Variants in ETF1 observed in about 807,000 individuals in gnomAD.
ETF1 encodes eukaryotic peptide chain release factor subunit 1.
Under a neutral mutation model 55.1 loss-of-function variants are expected in ETF1, and 4 were observed. That is an observed-to-expected ratio of 0.07 (90% CI 0.04 to 0.17). The LOEUF is 0.17. ETF1 is among the 10% of genes least tolerant of loss of function. The probability of loss-of-function intolerance (pLI) is 1.00; values close to 1 mark genes in which losing one functional copy is unlikely to be tolerated. For missense variants in ETF1, 142 were observed against 523.6 expected (o/e 0.27, Z 7.11); for synonymous variants, 157 against 182.3 (o/e 0.86, Z 1.12).
At chr5:138,519,903 C>A (rs972969017) in intron 2 of ETF1, among the ~76,000 whole-genome samples, 4 of 150,316 alleles carry the variant, frequency 2.7e-5, no homozygotes, top group Non-Finnish European at 4.4e-5. Context: ...TGTCTCATTG[C>A]GGTTTTGATT....
In ETF1 at chr5:138,510,830, A is replaced by C. The variant is rs115078547; in HGVS notation, c.1019-201T>G. On this transcript the variant is annotated intron_variant, in intron 8 of 10. Coordinates refer to ENST00000360541, the MANE Select transcript of ETF1 (RefSeq NM_004730.4). ...GGAACATCAGAGATGTTCAAGATAT[A>C]GTCCTGGTCCTCAGCAGATGTAACA... 1,861 of 712,622 alleles carry C rather than the reference A, an allele frequency of 2.6e-3. 37 individuals carry two copies. The African/African-American group carries it at 0.033, about 13-fold the overall frequency. The allele number at this position is 712,622 out of a possible 1,614,324, so 44.1% of individuals were successfully genotyped here.
intron 6 of ETF1, among the ~76,000 whole-genome samples, chr5:138,512,256 A>AT (rs1554137507): frequency 1.6e-4 from 3 of 18,878 alleles, no homozygotes; most frequent in African/African-American, 6.9e-4. Context: ...ATATATATAT[A>AT]TATTTTTTTT....
chr5:138,510,154 T>G (rs1764710416), intron 9 of ETF1, among the ~76,000 whole-genome samples: 1 of 151,140 alleles, frequency 6.6e-6, no homozygotes, highest in African/African-American at 2.4e-5. Flanking sequence ...CTCAGGAGTT[T>G]GAGACCAGCC....
Position 138,508,652 on chromosome 5 carries a change from G to A in ETF1, c.1231+17C>T. 6.2e-7 allele frequency: 1 copy of A among 1,611,970 alleles called. No individual in the cohort carries two copies. Among genetic ancestry groups the A allele is most frequent in the Non-Finnish European group, 8.5e-7 (1 of 1,179,726 alleles). On this transcript the variant is annotated intron_variant, in intron 10 of 10. Coordinates refer to ENST00000360541, the MANE Select transcript of ETF1 (RefSeq NM_004730.4). Reference sequence around the variant, plus strand: ...GAGACCCTGGTTTTAAGTTTGGTTTGCTGATTTGCTACTCACCTCCAATTC... The same window carrying A: ...GAGACCCTGGTTTTAAGTTTGGTTTACTGATTTGCTACTCACCTCCAATTC...
Position 138,517,713 on chromosome 5 carries a change from C to T in ETF1, c.263-13G>A. 6.9e-7 allele frequency: 1 copy of T among 1,439,168 alleles called. No individual in the cohort carries two copies. The highest frequency in any genetic ancestry group is 9.3e-7 in the Non-Finnish European group (1 of 1,077,588). 89.1% of individuals were successfully genotyped at this position (1,439,168 alleles called of 1,614,324 possible). A position where few individuals can be genotyped will look rare whatever the true frequency, so the allele number is the denominator to read the frequency against. On this transcript the variant is annotated splice_polypyrimidine_tract_variant and intron_variant, in intron 3 of 10. Coordinates refer to ENST00000360541, the MANE Select transcript of ETF1 (RefSeq NM_004730.4). Reference sequence around the variant, plus strand: ...CCATTTGGAGGTACTGCAAAGAACACAAACAATTTTTCTACTTTACCCCAT... The same window carrying T: ...CCATTTGGAGGTACTGCAAAGAACATAAACAATTTTTCTACTTTACCCCAT...
chr5:138,539,480 A>C (rs1053160697), intron 2 of ETF1, among the ~76,000 whole-genome samples: 3 of 152,258 alleles, frequency 2.0e-5, no homozygotes, highest in Non-Finnish European at 2.9e-5. Flanking sequence ...TACCAGGAGC[A>C]ATCATGAACA....
Position 138,543,077 on chromosome 5 carries a change from T to C in ETF1, c.-19+20A>G. On this transcript the variant is annotated intron_variant, in intron 1 of 10. Coordinates refer to ENST00000360541, the MANE Select transcript of ETF1 (RefSeq NM_004730.4). ...CAGCTCGCCACAAAGGTCACCGGCC[T>C]TTCCCTCCCTGTGCCTTACCTAAGG... 3 of 718,920 alleles carry C rather than the reference T, an allele frequency of 4.2e-6. No homozygotes were observed. The highest frequency in any genetic ancestry group is 3.7e-5 in the South Asian group (2 of 54,468). 44.5% of individuals were successfully genotyped at this position (718,920 alleles called of 1,614,324 possible).
At chr5:138,540,654 T>C (rs930943272) in intron 2 of ETF1, among the ~76,000 whole-genome samples, 1 of 152,150 alleles carries the variant, frequency 6.6e-6, no homozygotes, top group Admixed American at 6.5e-5. Context: ...TAGGACATGA[T>C]TATTAACCAC....
intron 6 of ETF1, among the ~76,000 whole-genome samples, chr5:138,512,122 C>T (rs951595203): frequency 7.1e-4 from 96 of 135,064 alleles, no homozygotes; most frequent in African/African-American, 2.5e-3. Context: ...ATCACTTAAG[C>T]CTGGGAGATC....
rs3849046 is a variant in ETF1 at position 138,515,503 on chromosome 5, C to G, written c.403-1797G>C. On this transcript the variant is annotated intron_variant, in intron 4 of 10. Coordinates refer to ENST00000360541, the MANE Select transcript of ETF1 (RefSeq NM_004730.4). ...ATAATATAGCCTTATCAAAATGACC[C>G]GTTAGGTAGATTGAAGTTTTTAATA... 2.0e-5 allele frequency among the ~76,000 whole-genome samples: 3 copies of G among 151,972 alleles called. No individual in the cohort carries two copies. The South Asian group carries it at 6.2e-4, about 32-fold the overall frequency.
chr5:138,542,712 TC>T, intron 2 of ETF1, 120 bp downstream of exon 2: 2 of 1,520,250 alleles, frequency 1.3e-6, no homozygotes, highest in South Asian at 2.4e-5. Flanking sequence ...TACCCAGAGA[TC>T]CAGAAGGCGG....
At chr5:138,510,749 C>A in intron 8 of ETF1, 120 bp from the exon 9 acceptor site, 3 of 1,372,390 alleles carry the variant, frequency 2.2e-6, no homozygotes, top group Non-Finnish European at 2.9e-6. Context: ...AACATTTTTT[C>A]CATAAACATG....
intron 2 of ETF1, chr5:138,529,556 G>T: frequency 1.0e-6 from 1 of 981,238 alleles, no homozygotes; most frequent in Non-Finnish European, 1.2e-6. Context: ...ACAACATACA[G>T]CAATGTATCC....
chr5:138,541,251 T>G (rs993880824), intron 2 of ETF1, among the ~76,000 whole-genome samples: 2 of 152,232 alleles, frequency 1.3e-5, no homozygotes, highest in African/African-American at 4.8e-5. Context: ...CTGTACAGTA[T>G]TCTCACATTT....
chr5:138,528,507 T>C (rs1246922569), intron 2 of ETF1, among the ~76,000 whole-genome samples: 4 of 152,236 alleles, frequency 2.6e-5, no homozygotes, highest in East Asian at 1.9e-4. Flanking sequence ...GAATGTAATC[T>C]TGTTATAGGA....
intron 2 of ETF1, among the ~76,000 whole-genome samples, chr5:138,531,316 C>G (rs1216106053): frequency 6.6e-6 from 1 of 152,136 alleles, no homozygotes; most frequent in Non-Finnish European, 1.5e-5. Context: ...AAGGATGCAG[C>G]GTTCAAGGTG....
chr5:138,512,961 C>T lies in ETF1; in HGVS notation c.542-7G>A. 6.7e-7 allele frequency: 1 copy of T among 1,500,826 alleles called. No homozygotes were observed. The highest frequency in any genetic ancestry group is 1.5e-5 in the African/African-American group (1 of 68,174). 93.0% of individuals were successfully genotyped at this position (1,500,826 alleles called of 1,614,324 possible). ...GCTGACTGACCTCCTCTACCTTTGA[C>T]ACAAAAGTAGCAAGAGAAAAAGGCA... On this transcript the variant is annotated splice_polypyrimidine_tract_variant and splice_region_variant and intron_variant, in intron 5 of 10. Transcript: ENST00000360541.
chr5:138,542,543 G>A, intron 2 of ETF1: 1 of 1,140,394 alleles, frequency 8.8e-7, no homozygotes. Context: ...GGGAGGACCT[G>A]GACTTAAGGG....
At chr5:138,534,160 CCAAA>C (rs1350126538) in intron 2 of ETF1, among the ~76,000 whole-genome samples, 6 of 152,122 alleles carry the variant, frequency 3.9e-5, no homozygotes, top group African/African-American at 1.4e-4. Flanking sequence ...ACTCAGATGT[CCAAA>C]CATTTTCAGA....
Sources: gnomAD v4.1 joint callset for allele counts (sites outside exome capture counted in the v4.1 genomes callset) on GRCh38, gnomAD v4.1.1 for gene constraint, MANE v1.5 for transcripts, NCBI Gene and HGNC (gene_info 2026-07-23, HGNC 2026-07-21) for gene names.